SAMD5: variants seen among roughly 807,000 people sequenced by gnomAD.
The protein encoded by SAMD5 is sterile alpha motif domain-containing protein 5.
Under a neutral mutation model 11.3 loss-of-function variants are expected in SAMD5, and 13 were observed. That is an observed-to-expected ratio of 1.15 (90% confidence interval 0.75 to 1.83). The LOEUF is 1.83. Ranked by LOEUF, SAMD5 falls within the 40% of genes most tolerant of loss-of-function variation. The pLI is 0.00. For synonymous variants in SAMD5, 129 were observed against 111.3 expected, an observed-to-expected ratio of 1.16 and a Z score of -1.00; for missense variants, 255 against 239.1, an observed-to-expected ratio of 1.07 and a Z score of -0.44.
the SAMD5 span, among the ~76,000 whole-genome samples, chr6:147,808,355 T>A: frequency 1.3e-5 from 2 of 152,238 alleles, no homozygotes; most frequent in African/African-American, 4.8e-5. Flanking sequence ...TATGCTGCCA[T>A]GCCTAGCTAA....
intron 1 of SAMD5, among the ~76,000 whole-genome samples, chr6:147,723,298 T>C (rs2128459404): frequency 6.6e-6 from 1 of 152,222 alleles, no homozygotes; most frequent in African/African-American, 2.4e-5. Context: ...GTCTTTTTGG[T>C]ATCAGTGCAG....
chr6:147,592,766 G>C (rs1437418552), intron 1 of SAMD5, among the ~76,000 whole-genome samples: 1 of 152,118 alleles, frequency 6.6e-6, no homozygotes, highest in Non-Finnish European at 1.5e-5. Context: ...GAGAATGTGT[G>C]AGAGAACATA....
At chr6:147,670,661 A>T (rs1790782513) in intron 1 of SAMD5, among the ~76,000 whole-genome samples, 1 of 152,204 alleles carries the variant, frequency 6.6e-6, no homozygotes, top group Non-Finnish European at 1.5e-5. Context: ...CTAGCTTCAG[A>T]CTTTTCTTCT....
At chr6:147,771,468 A>C in the SAMD5 span, among the ~76,000 whole-genome samples, 8 of 152,218 alleles carry the variant, frequency 5.3e-5, no homozygotes, top group Non-Finnish European at 1.0e-4. Context: ...CTCATAAAGC[A>C]TGTCACATTC....
intron 1 of SAMD5, among the ~76,000 whole-genome samples, chr6:147,604,256 T>C (rs1415336648): frequency 6.6e-6 from 1 of 151,986 alleles, no homozygotes; most frequent in Non-Finnish European, 1.5e-5. Context: ...AACTTATGAC[T>C]TGAGTTATTC....
the SAMD5 span, among the ~76,000 whole-genome samples, chr6:147,934,035 A>T: frequency 6.6e-6 from 1 of 152,154 alleles, no homozygotes; most frequent in South Asian, 2.1e-4. Flanking sequence ...TTCCCCCCAT[A>T]AAATATATCC....
At chr6:147,529,089 G>C (rs1168629645) in intron 1 of SAMD5, among the ~76,000 whole-genome samples, 2 of 152,142 alleles carry the variant, frequency 1.3e-5, no homozygotes, top group African/African-American at 4.8e-5. Flanking sequence ...TGTATGTAGA[G>C]CACTTAGCTT....
chr6:147,866,556 T>A, the SAMD5 span, among the ~76,000 whole-genome samples: 12 of 152,248 alleles, frequency 7.9e-5, no homozygotes, highest in East Asian at 2.1e-3. Flanking sequence ...GTTGATGGAT[T>A]TATGGGCAGT....
chr6:147,591,307 C>T (rs1789450570), intron 1 of SAMD5, among the ~76,000 whole-genome samples: 1 of 152,180 alleles, frequency 6.6e-6, no homozygotes, highest in Non-Finnish European at 1.5e-5. Context: ...ACTCCAGTGG[C>T]ATATAAAGCT....
At chr6:147,790,770 TTCTCTCTCTCTCTC>T in the SAMD5 span, among the ~76,000 whole-genome samples, 1,153 of 88,080 alleles carry the variant, frequency 0.013, 11 homozygotes, top group East Asian at 0.024. Flanking sequence ...CTCTCTCTCT[TTCTCTCTCTCTCTC>T]TCTCTCTCTC....
Position 147,564,993 on chromosome 6 carries a change from G to C in SAMD5, c.*537G>C. On this transcript the variant is annotated 3_prime_UTR_variant, in exon 2 of 2. Coordinates refer to ENST00000367474, the MANE Select transcript of SAMD5 (RefSeq NM_001030060.3). ...ATTCTATGTAGAATAGTTTGGTGAA[G>C]GAATTCTTATTTTAAGGTGCTTTTA... 1.1e-6 allele frequency: 1 copy of C among 874,224 alleles called. No homozygotes were observed. The highest frequency in any genetic ancestry group is 1.4e-6 in the Non-Finnish European group (1 of 729,618). The allele number at this position is 874,224 out of a possible 1,614,324, so 54.2% of individuals were successfully genotyped here.
At chr6:147,932,772 T>C in the SAMD5 span, among the ~76,000 whole-genome samples, 1 of 152,094 alleles carries the variant, frequency 6.6e-6, no homozygotes, top group East Asian at 1.9e-4. Flanking sequence ...GTGTTCATGG[T>C]AAACACTCAG....
At chr6:147,662,293 T>C (rs576505950) in intron 1 of SAMD5, among the ~76,000 whole-genome samples, 1 of 152,174 alleles carries the variant, frequency 6.6e-6, no homozygotes, top group South Asian at 2.1e-4. Context: ...ACAAATGAGA[T>C]TATAAGTATC....
intron 1 of SAMD5, among the ~76,000 whole-genome samples, chr6:147,650,680 G>C (rs1302017): frequency 0.33 from 50,858 of 152,088 alleles, 9,192 homozygotes; most frequent in East Asian, 0.54. Context: ...GGACAGGAGA[G>C]AGTTGTGGAG....
the SAMD5 span, among the ~76,000 whole-genome samples, chr6:147,896,742 A>AC: frequency 2.6e-4 from 37 of 141,322 alleles, no homozygotes; most frequent in African/African-American, 9.9e-4. Context: ...ATTAACCAAA[A>AC]AAAAAAAAAA....
chr6:147,823,654 A>T, the SAMD5 span, among the ~76,000 whole-genome samples: 3 of 152,362 alleles, frequency 2.0e-5, no homozygotes, highest in Admixed American at 2.0e-4. Context: ...AAAGTACCAA[A>T]AAAAAGAGAA....
At chr6:147,520,255 C>G (rs549956473) in intron 1 of SAMD5, among the ~76,000 whole-genome samples, 26 of 151,952 alleles carry the variant, frequency 1.7e-4, no homozygotes, top group African/African-American at 6.3e-4. Flanking sequence ...GTAGCTGGGA[C>G]TACAGGCACT....
At chr6:147,579,977 G>C (rs1337652004) in intron 1 of SAMD5, among the ~76,000 whole-genome samples, 1 of 152,192 alleles carries the variant, frequency 6.6e-6, no homozygotes, top group Non-Finnish European at 1.5e-5. Context: ...GAAATATAGT[G>C]TGGGCAATTG....
intron 1 of SAMD5, among the ~76,000 whole-genome samples, chr6:147,587,814 A>G (rs1042791687): frequency 1.3e-5 from 2 of 152,102 alleles, no homozygotes; most frequent in African/African-American, 4.8e-5. Flanking sequence ...TACCAGAGCA[A>G]TCACTTATTT....
Sources: allele counts gnomAD v4.1 joint callset (sites outside exome capture counted in the v4.1 genomes callset), GRCh38; gene constraint gnomAD v4.1.1; transcripts MANE v1.5; gene names NCBI Gene and HGNC (gene_info 2026-07-23, HGNC 2026-07-21).